Variants in JMJD1C observed in about 807,000 individuals in gnomAD.
The protein encoded by JMJD1C is jumonji domain containing 1C, also known as jumonji domain-containing protein 1C.
JMJD1C carries 31 observed loss-of-function variants against 245.3 expected under a neutral mutation model. That is an observed-to-expected ratio of 0.13 (90% CI 0.09 to 0.17). JMJD1C has a LOEUF of 0.17. Ranked by LOEUF, JMJD1C falls within the 10% of genes least tolerant of loss-of-function variation. JMJD1C has a pLI of 1.00. For missense variants in JMJD1C, 2,691 were observed against 3,000.2 expected (o/e 0.90, Z 2.41); for synonymous variants, 1,057 against 1,017.4 (o/e 1.04, Z -0.74).
chr10:63,416,040 T>C (rs1454001116), intron 1 of JMJD1C, among the ~76,000 whole-genome samples: 1 of 152,214 alleles, frequency 6.6e-6, no homozygotes, highest in African/African-American at 2.4e-5. Context: ...TAAAGTGGAT[T>C]CATGCAGTAT....
At chr10:63,423,291 G>T (rs1174749344) in intron 1 of JMJD1C, among the ~76,000 whole-genome samples, 1 of 151,850 alleles carries the variant, frequency 6.6e-6, no homozygotes. Flanking sequence ...TCCCAAATAG[G>T]AACTCTGCAT....
intron 1 of JMJD1C, among the ~76,000 whole-genome samples, chr10:63,414,522 CTG>C (rs1363168523): frequency 1.3e-5 from 2 of 152,050 alleles, no homozygotes; most frequent in Non-Finnish European, 2.9e-5. Flanking sequence ...CAAAAGGTAA[CTG>C]TGATTCCAGT....
At chr10:63,219,444 T>A (rs905801741) in intron 4 of JMJD1C, among the ~76,000 whole-genome samples, 1 of 152,120 alleles carries the variant, frequency 6.6e-6, no homozygotes, top group African/African-American at 2.4e-5. Context: ...TGTAACATAC[T>A]AAACAAAGGA....
chr10:63,491,869 C>A (rs1036391788), intron 1 of JMJD1C, among the ~76,000 whole-genome samples: 3 of 152,064 alleles, frequency 2.0e-5, no homozygotes, highest in Admixed American at 2.0e-4. Context: ...AGTGGAGTCC[C>A]AAGAGGAAAT....
chr10:63,290,096 A>G (rs1564740474), intron 2 of JMJD1C, among the ~76,000 whole-genome samples: 1 of 152,120 alleles, frequency 6.6e-6, no homozygotes, highest in Admixed American at 6.5e-5. Flanking sequence ...GAAAGCACCA[A>G]AAGAAGTTTG....
chr10:63,217,935 T>G (rs1296234775), intron 4 of JMJD1C, among the ~76,000 whole-genome samples: 1 of 151,970 alleles, frequency 6.6e-6, no homozygotes, highest in Non-Finnish European at 1.5e-5. Context: ...CATTAGAAAA[T>G]AATAAAAAAT....
At chr10:63,278,423 G>T (rs917640095) in intron 2 of JMJD1C, among the ~76,000 whole-genome samples, 2 of 151,424 alleles carry the variant, frequency 1.3e-5, no homozygotes, top group Non-Finnish European at 2.9e-5. Context: ...CTACTTGGGA[G>T]GCTGAGGCAG....
At chr10:63,449,528 A>T (rs925293104) in intron 1 of JMJD1C, among the ~76,000 whole-genome samples, 1 of 152,190 alleles carries the variant, frequency 6.6e-6, no homozygotes, top group Non-Finnish European at 1.5e-5. Flanking sequence ...TGGGAAAAGA[A>T]AGATCACATT....
intron 2 of JMJD1C, among the ~76,000 whole-genome samples, chr10:63,292,762 C>T (rs970416200): frequency 6.6e-6 from 1 of 151,678 alleles, no homozygotes; most frequent in African/African-American, 2.4e-5. Context: ...AAACCACTTC[C>T]GGCTGGGTGT....
Position 63,305,417 on chromosome 10 carries a change from C to G in JMJD1C, c.334-40653G>C, listed in dbSNP as rs557274404. 1.1e-4 allele frequency among the ~76,000 whole-genome samples: 16 copies of G among 150,188 alleles called. No individual in the cohort carries two copies. The East Asian group carries it at 3.2e-3, about 30-fold the overall frequency. On this transcript the variant is annotated intron_variant, in intron 2 of 25. Transcript: ENST00000399262. ...GTTGCAGTGAGCTCTAATTGTACCACTACTACACTCCAGCCTGGATGACAT... is the reference window on the plus strand; with the variant it reads ...GTTGCAGTGAGCTCTAATTGTACCAGTACTACACTCCAGCCTGGATGACAT...
intron 1 of JMJD1C, among the ~76,000 whole-genome samples, chr10:63,515,027 T>C (rs539881628): frequency 6.6e-6 from 1 of 152,134 alleles, no homozygotes; most frequent in Non-Finnish European, 1.5e-5. Context: ...AAGCATTCTA[T>C]AGGCCTAGGA....
At chr10:63,281,057 T>A (rs1435345929) in intron 2 of JMJD1C, among the ~76,000 whole-genome samples, 2 of 151,144 alleles carry the variant, frequency 1.3e-5, no homozygotes, top group East Asian at 3.9e-4. Flanking sequence ...ATGGTCTTGA[T>A]CTCCTGACCT....
chr10:63,176,417 T>G lies in JMJD1C; in HGVS notation c.7281A>C (p.Gln2427His). ...VLPEHDPIRDQSWYVNKKLRQ... is the reference protein window; with the variant it reads ...VLPEHDPIRDHSWYVNKKLRQ... ...GGAGCTTTTTGTTCACATACCAACT[T>G]TGGTCACGTATTGGATCATGTTCTG... The change falls in exon 24 of 26, where the codon CAA (glutamine) becomes CAC (histidine). Residue 2427 changes from glutamine (Q) to histidine (H), a missense_variant. By Grantham distance (24) the Gln-to-His change is conservative. Transcript: ENST00000399262. The G allele has an allele frequency of 6.2e-7, 1 of 1,614,048 alleles. No homozygotes were observed. Among genetic ancestry groups the G allele is most frequent in the Non-Finnish European group, 8.5e-7 (1 of 1,179,930 alleles).
chr10:63,446,590 C>T (rs1368449088), intron 1 of JMJD1C, among the ~76,000 whole-genome samples: 1 of 152,114 alleles, frequency 6.6e-6, no homozygotes, highest in African/African-American at 2.4e-5. Context: ...TGAGGAAAAC[C>T]TTCCAAGGAG....
intron 2 of JMJD1C, among the ~76,000 whole-genome samples, chr10:63,305,685 G>T (rs1938107060): frequency 1.3e-5 from 1 of 78,226 alleles, no homozygotes; most frequent in Non-Finnish European, 3.2e-5. Context: ...TGTGTGTGTT[G>T]AAAGATCTTT....
chr10:63,185,656 A>G lies in JMJD1C; in HGVS notation c.6740-3T>C. The G allele has an allele frequency of 6.5e-7, 1 of 1,538,976 alleles. No individual in the cohort carries two copies. Among genetic ancestry groups the G allele is most frequent in the Non-Finnish European group, 9.0e-7 (1 of 1,112,066 alleles). ...TCCACTCTTGTTTTTCTGCCGTTCT[A>G]TAAGGAATGCAGTTAATTACTAAAA... On this transcript the variant is annotated splice_region_variant and splice_polypyrimidine_tract_variant and intron_variant, in intron 19 of 25. Coordinates refer to ENST00000399262, the MANE Select transcript of JMJD1C (RefSeq NM_032776.3).
chr10:63,352,516 T>C (rs1443579408), intron 2 of JMJD1C, among the ~76,000 whole-genome samples: 1 of 151,272 alleles, frequency 6.6e-6, no homozygotes, highest in African/African-American at 2.4e-5. Context: ...CATGCATCTA[T>C]AATTCCAGCT....
chr10:63,270,128 A>G (rs1216162778), intron 2 of JMJD1C, among the ~76,000 whole-genome samples: 1 of 152,192 alleles, frequency 6.6e-6, no homozygotes, highest in East Asian at 1.9e-4. Context: ...TGTAGCTCAC[A>G]TTTTATTTCT....
At chr10:63,317,011 C>A (rs1381932501) in intron 2 of JMJD1C, among the ~76,000 whole-genome samples, 1 of 151,970 alleles carries the variant, frequency 6.6e-6, no homozygotes, top group African/African-American at 2.4e-5. Context: ...AGGCGCATGC[C>A]ACTATGGCTG....
Sources: gnomAD v4.1 joint callset for allele counts (sites outside exome capture counted in the v4.1 genomes callset) on GRCh38, gnomAD v4.1.1 for gene constraint, MANE v1.5 for transcripts, NCBI Gene and HGNC (gene_info 2026-07-23, HGNC 2026-07-21) for gene names.